The following LRRTM4 variants were observed in gnomAD, a reference collection of about 807,000 sequenced individuals.
LRRTM4 encodes leucine rich repeat transmembrane neuronal 4, also known as leucine-rich repeat transmembrane neuronal protein 4.
In LRRTM4, 25 loss-of-function variants were observed where a neutral mutation model predicts 47.6. The observed-to-expected ratio is 0.53, with a 90% CI of 0.38 to 0.73. The LOEUF (loss-of-function observed/expected upper bound fraction) is 0.73, where lower values mean the gene tolerates loss of function less well. Ranked by LOEUF, LRRTM4 falls within the 30% of genes least tolerant of loss-of-function variation. The pLI is 0.00. For synonymous variants in LRRTM4, 311 were observed against 269.5 expected, an observed-to-expected ratio of 1.15 and a Z score of -1.51; for missense variants, 638 against 713.4, an observed-to-expected ratio of 0.89 and a Z score of 1.20.
At chr2:76,885,369 G>A (rs1042103344) in intron 3 of LRRTM4, among the ~76,000 whole-genome samples, 1 of 151,638 alleles carries the variant, frequency 6.6e-6, no homozygotes, top group African/African-American at 2.4e-5. Context: ...GCTAGCATGT[G>A]CTCAATATAT....
chr2:76,817,390 T>C (rs1670932337), intron 3 of LRRTM4, among the ~76,000 whole-genome samples: 2 of 151,948 alleles, frequency 1.3e-5, no homozygotes, highest in South Asian at 4.1e-4. Flanking sequence ...GACAAAACAA[T>C]GAAACCTGTG....
intron 3 of LRRTM4, among the ~76,000 whole-genome samples, chr2:77,001,433 G>A (rs1024657245): frequency 1.3e-5 from 2 of 152,114 alleles, no homozygotes; most frequent in African/African-American, 4.8e-5. Flanking sequence ...ATATCAGAAT[G>A]CAATACAACA....
chr2:77,124,694 G>T (rs972575459), intron 3 of LRRTM4, among the ~76,000 whole-genome samples: 1 of 152,046 alleles, frequency 6.6e-6, no homozygotes, highest in South Asian at 2.1e-4. Context: ...TAATATTTTT[G>T]ATTCAGTTTT....
intron 3 of LRRTM4, among the ~76,000 whole-genome samples, chr2:77,449,972 AGT>A (rs1382926849): frequency 1.3e-5 from 2 of 152,168 alleles, no homozygotes; most frequent in African/African-American, 4.8e-5. Flanking sequence ...AGCAGGACCA[AGT>A]CTATAGTAAT....
At chr2:77,294,151 G>A (rs535654098) in intron 3 of LRRTM4, among the ~76,000 whole-genome samples, 1 of 151,794 alleles carries the variant, frequency 6.6e-6, no homozygotes, top group South Asian at 2.1e-4. Context: ...ATTATTCTCT[G>A]TTTTTGTTTT....
intron 3 of LRRTM4, among the ~76,000 whole-genome samples, chr2:77,249,340 A>C (rs967879741): frequency 2.0e-5 from 3 of 152,022 alleles, no homozygotes; most frequent in Admixed American, 2.0e-4. Context: ...ACAATAGCAA[A>C]ACTCCATCTC....
intron 3 of LRRTM4, among the ~76,000 whole-genome samples, chr2:76,913,671 C>T (rs1674148504): frequency 6.6e-6 from 1 of 151,612 alleles, no homozygotes; most frequent in African/African-American, 2.4e-5. Context: ...TCCCGAGTAG[C>T]TGGGACTGCA....
intron 3 of LRRTM4, among the ~76,000 whole-genome samples, chr2:77,363,689 A>T (rs1672327286): frequency 6.6e-6 from 1 of 152,326 alleles, no homozygotes; most frequent in Admixed American, 6.5e-5. Context: ...ATGCTTTCTC[A>T]TTATCATGAA....
Position 76,873,506 on chromosome 2 carries a change from GTATATATATA to G in LRRTM4, c.1552-124600_1552-124591del, listed in dbSNP as rs58469429. Reference sequence around the variant, plus strand: ...TATGTGTGTGTGTATATATATGTGTGTATATATATATATATATATATATATATACAACATA... The same window carrying G: ...TATGTGTGTGTGTATATATATGTGTGTATATATATATATATATACAACATA... On this transcript the variant is annotated intron_variant, in intron 3 of 3. Transcript: ENST00000409884. 1.1e-4 allele frequency among the ~76,000 whole-genome samples: 12 copies of G among 112,312 alleles called. No homozygotes were observed. The South Asian group carries it at 1.9e-3, about 18-fold the overall frequency. The allele number at this position is 112,312 out of a possible 152,430, so 73.7% of individuals were successfully genotyped here.
intron 3 of LRRTM4, among the ~76,000 whole-genome samples, chr2:77,294,146 T>A (rs1039355626): frequency 2.0e-5 from 3 of 152,108 alleles, no homozygotes; most frequent in Non-Finnish European, 4.4e-5. Flanking sequence ...TTATAATTAT[T>A]CTCTGTTTTT....
At chr2:76,910,379 G>A (rs1674008009) in intron 3 of LRRTM4, among the ~76,000 whole-genome samples, 1 of 151,648 alleles carries the variant, frequency 6.6e-6, no homozygotes, top group African/African-American at 2.4e-5. Context: ...ATAACATTGG[G>A]AGATATACCT....
At chr2:77,062,016 C>T (rs746829238) in intron 3 of LRRTM4, among the ~76,000 whole-genome samples, 6 of 152,060 alleles carry the variant, frequency 3.9e-5, no homozygotes, top group African/African-American at 7.2e-5. Flanking sequence ...ATGAAAATAG[C>T]TAATGTTCCA....
intron 3 of LRRTM4, among the ~76,000 whole-genome samples, chr2:77,254,302 GC>G (rs1573149673): frequency 6.6e-6 from 1 of 151,848 alleles, no homozygotes; most frequent in East Asian, 1.9e-4. Context: ...TCTATATCAA[GC>G]AAAACTATCC....
At chr2:77,207,008 G>A (rs1298948830) in intron 3 of LRRTM4, among the ~76,000 whole-genome samples, 2 of 151,564 alleles carry the variant, frequency 1.3e-5, no homozygotes, top group South Asian at 2.1e-4. Flanking sequence ...TCACAAAGGT[G>A]GCAAAGTTAT....
At chr2:76,990,516 C>T (rs1215729443) in intron 3 of LRRTM4, among the ~76,000 whole-genome samples, 1 of 151,690 alleles carries the variant, frequency 6.6e-6, no homozygotes, top group Non-Finnish European at 1.5e-5. Flanking sequence ...TCAGATAAAA[C>T]AGACTTTAAA....
At chr2:76,981,164 G>A (rs61335199) in intron 3 of LRRTM4, among the ~76,000 whole-genome samples, 5,639 of 152,084 alleles carry the variant, frequency 0.037, 226 homozygotes, top group East Asian at 0.14. Context: ...TCATTCATTC[G>A]TTATTCAATA....
chr2:76,890,559 T>C (rs1437477214), intron 3 of LRRTM4, among the ~76,000 whole-genome samples: 1 of 151,972 alleles, frequency 6.6e-6, no homozygotes, highest in African/African-American at 2.4e-5. Context: ...TTGAAATTTA[T>C]ACCTTAACAA....
At chr2:77,204,820 A>G (rs938418509) in intron 3 of LRRTM4, among the ~76,000 whole-genome samples, 1 of 152,206 alleles carries the variant, frequency 6.6e-6, no homozygotes, top group African/African-American at 2.4e-5. Flanking sequence ...TACTCGCTGG[A>G]TAAATTAATC....
chr2:77,249,754 T>C (rs1170210978), intron 3 of LRRTM4, among the ~76,000 whole-genome samples: 1 of 152,154 alleles, frequency 6.6e-6, no homozygotes, highest in Non-Finnish European at 1.5e-5. Flanking sequence ...GGAGGACAGT[T>C]TAACTGTTTC....
Sources: allele counts gnomAD v4.1 joint callset (sites outside exome capture counted in the v4.1 genomes callset), GRCh38; gene constraint gnomAD v4.1.1; transcripts MANE v1.5; gene names NCBI Gene and HGNC (gene_info 2026-07-23, HGNC 2026-07-21).